DRC7: variants seen among roughly 807,000 people sequenced by gnomAD.
The protein encoded by DRC7 is coiled-coil domain containing 135.
In DRC7, 80 loss-of-function variants were observed where a neutral mutation model predicts 104.4. The observed-to-expected ratio is 0.77, with a 90% confidence interval of 0.64 to 0.92. The LOEUF (loss-of-function observed/expected upper bound fraction) is 0.92. DRC7 is among the 40% of genes least tolerant of loss of function. The pLI, the probability that DRC7 is intolerant of heterozygous loss-of-function variation, is 0.00. For synonymous variants in DRC7, 405 were observed against 447.3 expected (o/e 0.91, Z 1.19); for missense variants, 1,034 against 1,141.1 (o/e 0.91, Z 1.35).
At chr16:57,721,239 C>A (rs2048898714) in intron 9 of DRC7, among the ~76,000 whole-genome samples, 1 of 152,080 alleles carries the variant, frequency 6.6e-6, no homozygotes, top group Non-Finnish European at 1.5e-5. Flanking sequence ...ATAATGTCAG[C>A]CAATCAGAGC....
intron 2 of DRC7, 74 bp from the exon 3 acceptor site, chr16:57,697,839 G>A: frequency 6.7e-7 from 1 of 1,498,132 alleles, no homozygotes; most frequent in Non-Finnish European, 8.9e-7. Context: ...GCCTCCCGGG[G>A]ATGCCCAGAT....
At chr16:57,726,568 G>A (rs1180998549) in intron 14 of DRC7, 1 of 556,250 alleles carries the variant, frequency 1.8e-6, no homozygotes, top group Non-Finnish European at 3.2e-6. Context: ...CTGTGGGAGG[G>A]GAAGAGTCTC....
rs1437152807 is a variant in DRC7, at chr16:57,704,865, T to C, written c.700-11T>C. On this transcript the variant is annotated splice_polypyrimidine_tract_variant and intron_variant, in intron 6 of 18. Transcript: ENST00000360716. ...AGGGCCACTGACCCTTCCTCTTCTTTTGGGTGACAGACCATCAAGAAGGAG... is the reference window on the plus strand; with the variant it reads ...AGGGCCACTGACCCTTCCTCTTCTTCTGGGTGACAGACCATCAAGAAGGAG... 6.2e-7 allele frequency: 1 copy of C among 1,612,828 alleles called. No homozygotes were observed. Among genetic ancestry groups the C allele is most frequent in the African/African-American group, 1.3e-5 (1 of 74,860 alleles).
intron 2 of DRC7, among the ~76,000 whole-genome samples, chr16:57,697,599 A>G (rs1477731424): frequency 6.6e-6 from 1 of 152,056 alleles, no homozygotes; most frequent in Non-Finnish European, 1.5e-5. Flanking sequence ...AAAAAAGATA[A>G]CTGTCAAATA....
intron 5 of DRC7, among the ~76,000 whole-genome samples, chr16:57,700,913 T>G (rs1332532776): frequency 6.6e-6 from 1 of 152,204 alleles, no homozygotes; most frequent in African/African-American, 2.4e-5. Flanking sequence ...AGGGTTGTTT[T>G]GCAGCATTTT....
intron 6 of DRC7, 135 bp from the exon 7 acceptor site, chr16:57,704,741 G>C: frequency 2.1e-6 from 2 of 945,958 alleles, no homozygotes; most frequent in Non-Finnish European, 3.1e-6. Flanking sequence ...TTTAGAGCCA[G>C]AAAGGCCACA....
intron 8 of DRC7, among the ~76,000 whole-genome samples, chr16:57,711,869 A>T (rs2048794388): frequency 6.6e-6 from 1 of 152,194 alleles, no homozygotes; most frequent in African/African-American, 2.4e-5. Flanking sequence ...GGGGCTCACA[A>T]GATCAGATGA....
In DRC7 at chr16:57,730,933, G is replaced by A. The variant is rs765396434; in HGVS notation, c.2394G>A (p.Glu798=). 6.2e-7 allele frequency: 1 copy of A among 1,613,166 alleles called. No individual in the cohort carries two copies. The highest frequency in any genetic ancestry group is 1.1e-5 in the South Asian group (1 of 91,072). The change falls in exon 18 of 19, where the codon GAG becomes GAA. Residue 798 remains glutamate, a splice_region_variant and synonymous_variant. Coordinates refer to ENST00000360716, the MANE Select transcript of DRC7 (RefSeq NM_001289162.2). ...ANLIQARFEK[E]TQELQKKQQW... ...CTCTGTCTGCCCTATGACCACAGGAGACCCAGGAGCTGCAAAAGAAGCAGC... is the reference window on the plus strand; with the variant it reads ...CTCTGTCTGCCCTATGACCACAGGAAACCCAGGAGCTGCAAAAGAAGCAGC...
chr16:57,729,393 G>C (rs1248866489), intron 17 of DRC7, among the ~76,000 whole-genome samples: 1 of 145,620 alleles, frequency 6.9e-6, no homozygotes, highest in Non-Finnish European at 1.5e-5. Context: ...TGAGTGGATG[G>C]ATGAGTGGGC....
In DRC7 at chr16:57,698,102, C is replaced by T. The variant is rs777454796; in HGVS notation, c.153C>T (p.Asp51=). ...EITLKQETLR[D]LEKKLSEIQI... ...CCTTAAAGCAGGAGACGCTCAGAGA[C>T]CTGGAGAAGAAGCTGTCAGAGATCC... The change falls in exon 3 of 19, where the codon GAC becomes GAT. Residue 51 remains aspartate, a synonymous_variant. Coordinates refer to ENST00000360716, the MANE Select transcript of DRC7 (RefSeq NM_001289162.2). The T allele has an allele frequency of 9.3e-6, 15 of 1,614,008 alleles. No homozygotes were observed. The Admixed American group carries it at 2.3e-4, about 25-fold the overall frequency.
At chr16:57,728,369 A>G (rs2048996122) in intron 16 of DRC7, 21 bp from the exon 17 acceptor site, 3 of 1,555,104 alleles carry the variant, frequency 1.9e-6, no homozygotes, top group African/African-American at 1.4e-5. Context: ...TGATCCAGCT[A>G]TCTGCCCCTC....
At chr16:57,706,916 C>T (rs1668476453) in intron 7 of DRC7, among the ~76,000 whole-genome samples, 1 of 151,942 alleles carries the variant, frequency 6.6e-6, no homozygotes, top group African/African-American at 2.4e-5. Context: ...TGCCATCAGT[C>T]CTCTCATCCA....
At chr16:57,706,072 C>T (rs2048720680) in intron 7 of DRC7, among the ~76,000 whole-genome samples, 1 of 103,780 alleles carries the variant, frequency 9.6e-6, no homozygotes. Flanking sequence ...TCCCATTTTG[C>T]CTCCCATCCA....
At chr16:57,706,228 C>G (rs1182733731) in intron 7 of DRC7, among the ~76,000 whole-genome samples, 1 of 140,330 alleles carries the variant, frequency 7.1e-6, no homozygotes, top group Admixed American at 7.0e-5. Flanking sequence ...ATCCATCCAT[C>G]CTCCCACCCA....
In DRC7 at chr16:57,727,429, C is replaced by T. The variant is rs754855759; in HGVS notation, c.2196+20C>T. The T allele has an allele frequency of 2.5e-6, 4 of 1,579,190 alleles. No individual in the cohort carries two copies. Among genetic ancestry groups the T allele is most frequent in the Non-Finnish European group, 3.5e-6 (4 of 1,149,048 alleles). On this transcript the variant is annotated intron_variant, in intron 16 of 18. Transcript: ENST00000360716. ...GCCATGGTCAGTCCCAATCCCTTCT[C>T]CAGGCCCCAGCTTTTCCTAGACCCC...
In DRC7 at chr16:57,721,701, C is replaced by A; in HGVS notation, c.1241C>A (p.Pro414His). 1 of 1,613,916 alleles carries A rather than the reference C, an allele frequency of 6.2e-7. No individual in the cohort carries two copies. The highest frequency in any genetic ancestry group is 8.5e-7 in the Non-Finnish European group (1 of 1,179,896). Reference protein sequence around the residue: ...KEDEDKSFDMPHSWVEQIEIS... With the variant: ...KEDEDKSFDMHHSWVEQIEIS... ...GATGAGGATAAGAGCTTCGACATGC[C>A]CCACTCGTGGGTGGAGCAGATTGAG... The change falls in exon 10 of 19, where the codon CCC becomes CAC. Residue 414 changes from proline to histidine, a missense_variant. Pro to His is a moderately conservative substitution (Grantham distance 77). Coordinates refer to ENST00000360716, the MANE Select transcript of DRC7 (RefSeq NM_001289162.2).
chr16:57,716,948 G>A (rs950929081), intron 8 of DRC7, among the ~76,000 whole-genome samples: 1 of 152,018 alleles, frequency 6.6e-6, no homozygotes, highest in Non-Finnish European at 1.5e-5. Context: ...AAAGAGGTCA[G>A]GAGTTTGAGA....
intron 8 of DRC7, among the ~76,000 whole-genome samples, chr16:57,712,814 T>C (rs2048803485): frequency 6.6e-6 from 1 of 152,132 alleles, no homozygotes; most frequent in Non-Finnish European, 1.5e-5. Context: ...ATTACAGGCA[T>C]GCACCACGCC....
intron 2 of DRC7, 88 bp from the exon 3 acceptor site, chr16:57,697,825 C>T: frequency 6.9e-7 from 1 of 1,454,812 alleles, no homozygotes. Context: ...AAACCATCTC[C>T]CAGGCCTCCC....
Sources: allele counts gnomAD v4.1 joint callset (sites outside exome capture counted in the v4.1 genomes callset), GRCh38; gene constraint gnomAD v4.1.1; transcripts MANE v1.5; gene names NCBI Gene and HGNC (gene_info 2026-07-23, HGNC 2026-07-21).